The following STK32B variants were observed in gnomAD, a reference collection of about 807,000 sequenced individuals.
STK32B encodes serine/threonine-protein kinase 32B.
Under a neutral mutation model 52.6 loss-of-function variants are expected in STK32B, and 43 were observed. That is an observed-to-expected ratio of 0.82 (90% CI 0.64 to 1.05). The LOEUF is 1.05. STK32B is among the 50% of genes least tolerant of loss of function. The pLI is 0.00. For missense variants in STK32B, 621 were observed against 534.6 expected (o/e 1.16, Z -1.59); for synonymous variants, 238 against 204.3 (o/e 1.17, Z -1.41).
intron 5 of STK32B, among the ~76,000 whole-genome samples, chr4:5,409,925 T>C (rs1711521027): frequency 6.6e-6 from 1 of 152,202 alleles, no homozygotes; most frequent in African/African-American, 2.4e-5. Context: ...AGACATGTGC[T>C]GAAAACATAG....
intron 1 of STK32B, among the ~76,000 whole-genome samples, chr4:5,132,094 A>G (rs1423546616): frequency 6.6e-6 from 1 of 152,200 alleles, no homozygotes; most frequent in Non-Finnish European, 1.5e-5. Flanking sequence ...CTTGCTGCAA[A>G]GAACATGATC....
intron 3 of STK32B, among the ~76,000 whole-genome samples, chr4:5,275,326 C>A (rs534619286): frequency 2.0e-5 from 3 of 152,194 alleles, no homozygotes; most frequent in African/African-American, 7.2e-5. Flanking sequence ...TTTGGCAGAT[C>A]TTATTTTATG....
intron 3 of STK32B, among the ~76,000 whole-genome samples, chr4:5,269,273 C>T (rs943468985): frequency 1.3e-5 from 2 of 152,060 alleles, no homozygotes; most frequent in African/African-American, 4.8e-5. Context: ...ACCAGCCAGA[C>T]CACAAAACCT....
At chr4:5,374,123 A>G (rs1009032596) in intron 4 of STK32B, among the ~76,000 whole-genome samples, 7 of 152,246 alleles carry the variant, frequency 4.6e-5, no homozygotes, top group African/African-American at 1.7e-4. Context: ...CCACAAGCCA[A>G]GGAATGCCAG....
intron 1 of STK32B, among the ~76,000 whole-genome samples, chr4:5,117,447 C>T (rs542560237): frequency 2.6e-5 from 4 of 152,102 alleles, no homozygotes; most frequent in Non-Finnish European, 5.9e-5. Flanking sequence ...TTTTTGTCAA[C>T]TCCAGATGAG....
chr4:5,151,735 T>G (rs571499547), intron 2 of STK32B, among the ~76,000 whole-genome samples: 1 of 152,184 alleles, frequency 6.6e-6, no homozygotes, highest in South Asian at 2.1e-4. Flanking sequence ...TATATGTTAG[T>G]GGTGGATACC....
chr4:5,312,773 A>G (rs1371624256), intron 3 of STK32B, among the ~76,000 whole-genome samples: 1 of 151,964 alleles, frequency 6.6e-6, no homozygotes, highest in African/African-American at 2.4e-5. Context: ...TTATAGCAGC[A>G]TGATTTATAG....
chr4:5,404,354 C>T (rs769990154), intron 5 of STK32B, among the ~76,000 whole-genome samples: 4 of 152,026 alleles, frequency 2.6e-5, no homozygotes, highest in South Asian at 2.1e-4. Flanking sequence ...TCCCTGTGTG[C>T]GTGTCGGCGT....
chr4:5,374,429 T>C (rs1735449460), intron 4 of STK32B, among the ~76,000 whole-genome samples: 1 of 152,216 alleles, frequency 6.6e-6, no homozygotes, highest in Non-Finnish European at 1.5e-5. Context: ...GTCATAAATA[T>C]AAGGACTAAT....
At chr4:5,184,927 A>G (rs1720630638) in intron 3 of STK32B, among the ~76,000 whole-genome samples, 1 of 152,192 alleles carries the variant, frequency 6.6e-6, no homozygotes, top group Admixed American at 6.5e-5. Context: ...GCACAGGAAA[A>G]TGAGGCGTGC....
chr4:5,298,151 C>T (rs1729325367), intron 3 of STK32B, among the ~76,000 whole-genome samples: 1 of 152,200 alleles, frequency 6.6e-6, no homozygotes, highest in African/African-American at 2.4e-5. Flanking sequence ...GCTCCTTCCC[C>T]TGGAAGCTTC....
chr4:5,308,516 GAGTA>G (rs1392182769), intron 3 of STK32B, among the ~76,000 whole-genome samples: 2 of 152,130 alleles, frequency 1.3e-5, no homozygotes, highest in African/African-American at 4.8e-5. Context: ...AATATTATAG[GAGTA>G]AGTGTGTGGT....
At chr4:5,315,681 T>C (rs1275748339) in intron 3 of STK32B, among the ~76,000 whole-genome samples, 2 of 109,010 alleles carry the variant, frequency 1.8e-5, no homozygotes, top group Non-Finnish European at 3.5e-5. Context: ...TTTTTCTTTT[T>C]CTTTTTTTTT....
intron 11 of STK32B, among the ~76,000 whole-genome samples, chr4:5,489,881 TTTTA>T (rs2108722583): frequency 6.6e-6 from 1 of 152,306 alleles, no homozygotes; most frequent in South Asian, 2.1e-4. Flanking sequence ...CTACATCAGA[TTTTA>T]TTATGTAAAC....
In STK32B at chr4:5,122,200, TCA is replaced by T. The variant is rs1577082104; in HGVS notation, c.53-17704_53-17703del. ...TTCACTCCTTCACTCACTCATTCAC[TCA>T]TTCTTTTACTCATTCACTCGCTTAT... On this transcript the variant is annotated intron_variant, in intron 1 of 11. Coordinates refer to ENST00000282908, the MANE Select transcript of STK32B (RefSeq NM_018401.3). 3.9e-5 allele frequency among the ~76,000 whole-genome samples: 6 copies of T among 152,272 alleles called. No individual in the cohort carries two copies. The East Asian group carries it at 1.2e-3, about 29-fold the overall frequency.
At chr4:5,147,396 C>T (rs1445550288) in intron 2 of STK32B, among the ~76,000 whole-genome samples, 2 of 152,008 alleles carry the variant, frequency 1.3e-5, no homozygotes, top group African/African-American at 4.8e-5. Flanking sequence ...GTAGTTTTAC[C>T]TATTCTCCCC....
At chr4:5,122,064 T>A (rs560873658) in intron 1 of STK32B, among the ~76,000 whole-genome samples, 142 of 152,294 alleles carry the variant, frequency 9.3e-4, no homozygotes, top group Middle Eastern at 3.4e-3. Context: ...ATTCATTCAC[T>A]AATTCACATA....
chr4:5,384,868 A>G (rs1356280315), intron 4 of STK32B, among the ~76,000 whole-genome samples: 1 of 152,154 alleles, frequency 6.6e-6, no homozygotes, highest in Non-Finnish European at 1.5e-5. Flanking sequence ...AGGTGTGGCC[A>G]TGGAGTGAGT....
intron 3 of STK32B, among the ~76,000 whole-genome samples, chr4:5,172,551 C>A (rs1282459717): frequency 6.6e-6 from 1 of 152,128 alleles, no homozygotes; most frequent in Non-Finnish European, 1.5e-5. Flanking sequence ...GCCTTTTCTG[C>A]ATCTATTGAG....
Sources: gnomAD v4.1 joint callset for allele counts (sites outside exome capture counted in the v4.1 genomes callset) on GRCh38, gnomAD v4.1.1 for gene constraint, MANE v1.5 for transcripts, NCBI Gene and HGNC (gene_info 2026-07-23, HGNC 2026-07-21) for gene names.